Variants in TAS2R1 observed in about 807,000 individuals in gnomAD.
TAS2R1 encodes taste 2 receptor member 1, also known as taste receptor type 2 member 1.
For missense variants in TAS2R1, 370 were observed against 353.4 expected (o/e 1.05, Z -0.38); for synonymous variants, 141 against 134.2 (o/e 1.05, Z -0.35).
intron 2 of TAS2R1, among the ~76,000 whole-genome samples, chr5:9,653,583 A>T (rs1476819573): frequency 6.6e-6 from 1 of 152,184 alleles, no homozygotes; most frequent in African/African-American, 2.4e-5. Context: ...TTTTTGAGGA[A>T]TCATCACTAT....
chr5:9,653,837 T>C (rs1740356662), intron 2 of TAS2R1, among the ~76,000 whole-genome samples: 1 of 152,206 alleles, frequency 6.6e-6, no homozygotes, highest in Non-Finnish European at 1.5e-5. Flanking sequence ...TCTACTGTTC[T>C]TTGCTTGATA....
the TAS2R1 span, among the ~76,000 whole-genome samples, chr5:9,759,207 T>G: frequency 6.6e-6 from 1 of 152,220 alleles, no homozygotes. Context: ...TTGGCTAAAT[T>G]GGTTGAATGA....
the TAS2R1 span, among the ~76,000 whole-genome samples, chr5:9,769,885 C>CT: frequency 1.3e-5 from 2 of 151,968 alleles, no homozygotes; most frequent in Non-Finnish European, 2.9e-5. Context: ...TTTCTTGATT[C>CT]TTTCCTTGTC....
chr5:9,640,511 A>AAAAC (rs1321636427), intron 2 of TAS2R1, among the ~76,000 whole-genome samples: 3 of 150,464 alleles, frequency 2.0e-5, no homozygotes, highest in Non-Finnish European at 4.4e-5. Context: ...AAAAAAAAAA[A>AAAAC]AAAAAAAAAA....
chr5:9,836,165 C>T, the TAS2R1 span, among the ~76,000 whole-genome samples: 3 of 151,938 alleles, frequency 2.0e-5, no homozygotes, highest in East Asian at 1.9e-4. Context: ...CCATGTGAGA[C>T]GTGCCTTTTA....
chr5:9,799,992 T>G, the TAS2R1 span, among the ~76,000 whole-genome samples: 1 of 152,218 alleles, frequency 6.6e-6, no homozygotes, highest in East Asian at 1.9e-4. Flanking sequence ...GATTTAGCAA[T>G]GTGGAAAAAG....
chr5:9,824,711 G>A, the TAS2R1 span, among the ~76,000 whole-genome samples: 1 of 152,054 alleles, frequency 6.6e-6, no homozygotes, highest in Admixed American at 6.6e-5. Flanking sequence ...GCCAGGTGTG[G>A]TGGTGGGCGC....
At chr5:9,890,248 C>T in the TAS2R1 span, among the ~76,000 whole-genome samples, 12 of 152,184 alleles carry the variant, frequency 7.9e-5, no homozygotes, top group African/African-American at 2.9e-4. Context: ...AGGCCGCCTA[C>T]GTGATGGTTA....
At chr5:9,853,816 C>G in the TAS2R1 span, among the ~76,000 whole-genome samples, 1 of 152,100 alleles carries the variant, frequency 6.6e-6, no homozygotes, top group Non-Finnish European at 1.5e-5. Context: ...CAGAGGATCA[C>G]AACAAGAAAA....
the TAS2R1 span, among the ~76,000 whole-genome samples, chr5:9,767,573 C>T: frequency 6.6e-6 from 1 of 152,198 alleles, no homozygotes; most frequent in Non-Finnish European, 1.5e-5. Context: ...TCTTGATCCT[C>T]AGCAGGCCTC....
Position 9,650,409 on chromosome 5 carries a change from G to A in TAS2R1, c.-81+9012C>T, listed in dbSNP as rs929819868. ...TGTGGTGCATTTTCTATACACTCCC[G>A]GCTATGTAGGACGGACAGACCCATT... On this transcript the variant is annotated intron_variant, in intron 2 of 2. Transcript: ENST00000506620. Among the ~76,000 whole-genome samples, 10 of 151,962 alleles carry A rather than the reference G, an allele frequency of 6.6e-5. 1 individual carries two copies. The highest frequency in any genetic ancestry group is 2.0e-4 in the Admixed American group (3 of 15,226).
chr5:9,788,188 G>A, the TAS2R1 span, among the ~76,000 whole-genome samples: 1 of 152,180 alleles, frequency 6.6e-6, no homozygotes, highest in African/African-American at 2.4e-5. Flanking sequence ...CACATAGAAA[G>A]GTATATGTGT....
the TAS2R1 span, among the ~76,000 whole-genome samples, chr5:9,829,425 A>C: frequency 6.6e-6 from 1 of 152,166 alleles, no homozygotes; most frequent in Non-Finnish European, 1.5e-5. Context: ...TCCTCTAAGA[A>C]CATCTCAGGA....
At chr5:9,637,870 C>G (rs889013855) in intron 2 of TAS2R1, among the ~76,000 whole-genome samples, 1 of 152,154 alleles carries the variant, frequency 6.6e-6, no homozygotes, top group African/African-American at 2.4e-5. Flanking sequence ...TCACCTTTCT[C>G]TGGTATCTTC....
chr5:9,892,513 G>A, the TAS2R1 span, among the ~76,000 whole-genome samples: 1 of 152,148 alleles, frequency 6.6e-6, no homozygotes, highest in African/African-American at 2.4e-5. Flanking sequence ...CTGGTGTCCA[G>A]GTTGAGCCCT....
At chr5:9,679,574 A>G (rs1740954982) in intron 1 of TAS2R1, among the ~76,000 whole-genome samples, 1 of 152,212 alleles carries the variant, frequency 6.6e-6, no homozygotes, top group Non-Finnish European at 1.5e-5. Flanking sequence ...CCCAAAAATA[A>G]GGGCTACCAA....
the TAS2R1 span, among the ~76,000 whole-genome samples, chr5:9,796,290 T>C: frequency 4.6e-5 from 7 of 152,186 alleles, no homozygotes; most frequent in African/African-American, 1.4e-4. Flanking sequence ...AGTCTTTCAT[T>C]GACTCACTGC....
chr5:9,777,994 C>A, the TAS2R1 span, among the ~76,000 whole-genome samples: 7 of 152,024 alleles, frequency 4.6e-5, no homozygotes, highest in Non-Finnish European at 8.8e-5. Context: ...CATTCTCCTG[C>A]CTCAGCCTCC....
chr5:9,738,331 T>C, the TAS2R1 span, among the ~76,000 whole-genome samples: 2 of 152,164 alleles, frequency 1.3e-5, no homozygotes, highest in Admixed American at 6.5e-5. Flanking sequence ...GCTCCTGGAC[T>C]GTGAGAGGTA....
Sources: allele counts gnomAD v4.1 joint callset (sites outside exome capture counted in the v4.1 genomes callset), GRCh38; gene constraint gnomAD v4.1.1; transcripts MANE v1.5; gene names NCBI Gene and HGNC (gene_info 2026-07-23, HGNC 2026-07-21).